Variants in CRTC1 observed in about 807,000 individuals in gnomAD.
CRTC1 encodes CREB regulated transcription coactivator 1, also known as CREB-regulated transcription coactivator 1.
Under a neutral mutation model 66.1 loss-of-function variants are expected in CRTC1, and 18 were observed. That is an observed-to-expected ratio of 0.27 (90% CI 0.19 to 0.40). The LOEUF is 0.40. Among genes scored for constraint, CRTC1 ranks in the 10% least tolerant of loss-of-function variants. The pLI is 1.00. For synonymous variants in CRTC1, 416 were observed against 398.8 expected (o/e 1.04, Z -0.51); for missense variants, 669 against 887.9 (o/e 0.75, Z 3.13).
intron 8 of CRTC1, among the ~76,000 whole-genome samples, chr19:18,765,166 G>A (rs1293376181): frequency 6.6e-6 from 1 of 152,184 alleles, no homozygotes. Flanking sequence ...CTGGTTGGCT[G>A]GCTGTGAGAC....
chr19:18,699,187 G>GTGC (rs1435890430), intron 1 of CRTC1, among the ~76,000 whole-genome samples: 1 of 152,218 alleles, frequency 6.6e-6, no homozygotes, highest in Non-Finnish European at 1.5e-5. Flanking sequence ...ATAGAAGCAG[G>GTGC]TGCTCTCTAA....
intron 2 of CRTC1, among the ~76,000 whole-genome samples, chr19:18,743,891 T>A (rs1257876962): frequency 6.6e-6 from 1 of 152,166 alleles, no homozygotes; most frequent in East Asian, 1.9e-4. Context: ...CCTCCTGCCC[T>A]TCTCTCCCTT....
intron 1 of CRTC1, among the ~76,000 whole-genome samples, chr19:18,684,639 C>T (rs1161319613): frequency 6.6e-6 from 1 of 152,164 alleles, no homozygotes; most frequent in South Asian, 2.1e-4. Flanking sequence ...GGTGATGTTC[C>T]TCCCAGTGGA....
At chr19:18,774,722 GAAA>G (rs1209703740) in intron 11 of CRTC1, among the ~76,000 whole-genome samples, 175 bp from the exon 12 acceptor site, 1 of 152,074 alleles carries the variant, frequency 6.6e-6, no homozygotes, top group African/African-American at 2.4e-5. Context: ...GCAGGTGGCA[GAAA>G]AAAAGTCATC....
chr19:18,727,378 G>C (rs2053779961), intron 1 of CRTC1, among the ~76,000 whole-genome samples: 1 of 151,782 alleles, frequency 6.6e-6, no homozygotes, highest in Non-Finnish European at 1.5e-5. Context: ...TCAGGAGATC[G>C]AGACCATCCT....
chr19:18,719,594 G>A (rs181949665), intron 1 of CRTC1, among the ~76,000 whole-genome samples: 2 of 152,372 alleles, frequency 1.3e-5, no homozygotes, highest in Admixed American at 6.5e-5. Flanking sequence ...GCCGTCCTGG[G>A]GGGAGGCAGC....
chr19:18,708,948 G>C (rs973988715), intron 1 of CRTC1, among the ~76,000 whole-genome samples: 6 of 152,204 alleles, frequency 3.9e-5, no homozygotes, highest in African/African-American at 1.4e-4. Flanking sequence ...GCTCCCTGCT[G>C]TCCTGTCCTC....
chr19:18,745,689 G>A, intron 2 of CRTC1, 134 bp from the exon 3 acceptor site: 1 of 1,142,562 alleles, frequency 8.8e-7, no homozygotes, highest in Non-Finnish European at 1.3e-6. Flanking sequence ...GCCCATCCCA[G>A]GCTGTGGAGC....
At chr19:18,727,595 A>G (rs796143763) in intron 1 of CRTC1, among the ~76,000 whole-genome samples, 11 of 149,876 alleles carry the variant, frequency 7.3e-5, no homozygotes, top group African/African-American at 9.9e-5. Flanking sequence ...AAAAAAAAAA[A>G]AAGAAGAAGA....
Position 18,683,689 on chromosome 19 carries a change from G to T in CRTC1, c.-14G>T. The T allele has an allele frequency of 1.4e-6, 2 of 1,392,794 alleles. No homozygotes were observed. Among genetic ancestry groups the T allele is most frequent in the East Asian group, 3.3e-5 (1 of 29,972 alleles). The allele number at this position is 1,392,794 out of a possible 1,614,324, so 86.3% of individuals were successfully genotyped here. A position where few individuals can be genotyped will look rare whatever the true frequency, so the allele number is the denominator to read the frequency against. On this transcript the variant is annotated 5_prime_UTR_variant, in exon 1 of 14. Coordinates refer to ENST00000321949, the MANE Select transcript of CRTC1 (RefSeq NM_015321.3). Reference sequence around the variant, plus strand: ...GGAGGAGGAGGAGGAGGAGGAGGAGGTGGCGGCGAGAAGATGGCGACTTCG... The same window carrying T: ...GGAGGAGGAGGAGGAGGAGGAGGAGTTGGCGGCGAGAAGATGGCGACTTCG...
At chr19:18,695,821 C>T (rs2003475) in intron 1 of CRTC1, among the ~76,000 whole-genome samples, 40,215 of 151,960 alleles carry the variant, frequency 0.26, 6,004 homozygotes, top group East Asian at 0.6. Flanking sequence ...GCCGAGATCG[C>T]GTCACTGCGC....
In CRTC1 at chr19:18,773,531, C is replaced by T. The variant is rs1443180349; in HGVS notation, c.1426-1369C>T. Among the ~76,000 whole-genome samples the T allele has an allele frequency of 3.9e-5, 6 of 152,322 alleles. No individual in the cohort carries two copies. In the East Asian group the frequency reaches 9.7e-4, roughly 25 times the overall value. On this transcript the variant is annotated intron_variant, in intron 11 of 13. Transcript: ENST00000321949. ...GTCCTGGAAGCCTGGTCCCACCCCA[C>T]ACCCCGAGCCCCAGGACAGACCCAG...
intron 1 of CRTC1, among the ~76,000 whole-genome samples, chr19:18,720,654 C>G (rs946871527): frequency 4.6e-5 from 7 of 151,932 alleles, no homozygotes; most frequent in African/African-American, 1.7e-4. Flanking sequence ...GCGTGAGCCA[C>G]CACGCCCGGC....
intron 1 of CRTC1, among the ~76,000 whole-genome samples, chr19:18,713,182 C>G (rs1328165873): frequency 6.6e-6 from 1 of 152,234 alleles, no homozygotes; most frequent in Non-Finnish European, 1.5e-5. Flanking sequence ...GGATGAGTGC[C>G]TCATTCCTTT....
chr19:18,765,595 T>G, intron 9 of CRTC1, 67 bp downstream of exon 9: 1 of 1,478,080 alleles, frequency 6.8e-7, no homozygotes. Context: ...GCTCTACCTC[T>G]TAGAAGGCCT....
At chr19:18,717,126 G>A (rs976134386) in intron 1 of CRTC1, among the ~76,000 whole-genome samples, 9 of 152,238 alleles carry the variant, frequency 5.9e-5, no homozygotes, top group Non-Finnish European at 1.2e-4. Context: ...CACGTGTGAT[G>A]TCTGTACAGC....
At chr19:18,765,039 G>A (rs146276433) in intron 8 of CRTC1, among the ~76,000 whole-genome samples, 3 of 152,298 alleles carry the variant, frequency 2.0e-5, no homozygotes, top group East Asian at 3.9e-4. Context: ...CCCCACACAC[G>A]GCTTCAGACA....
At chr19:18,696,563 G>A (rs1024638511) in intron 1 of CRTC1, among the ~76,000 whole-genome samples, 1 of 152,128 alleles carries the variant, frequency 6.6e-6, no homozygotes, top group Non-Finnish European at 1.5e-5. Flanking sequence ...GGAGGAGCTG[G>A]GACTTGAACC....
intron 12 of CRTC1, among the ~76,000 whole-genome samples, chr19:18,775,268 G>T (rs2054961134): frequency 1.3e-5 from 2 of 152,378 alleles, no homozygotes; most frequent in African/African-American, 4.8e-5. Context: ...CAAACGCCGG[G>T]CCAGACAGGG....
Sources: gnomAD v4.1 joint callset for allele counts (sites outside exome capture counted in the v4.1 genomes callset) on GRCh38, gnomAD v4.1.1 for gene constraint, MANE v1.5 for transcripts, NCBI Gene and HGNC (gene_info 2026-07-23, HGNC 2026-07-21) for gene names.